Variants in TBC1D8B observed in about 807,000 individuals in gnomAD.
TBC1D8B encodes TBC1 domain family member 8B, also known as RP11-321G1.1.
TBC1D8B carries 75 observed loss-of-function variants against 82.9 expected under a neutral mutation model. The ratio of observed to expected loss-of-function variants is 0.90; its 90% CI spans 0.75 to 1.10. TBC1D8B has a LOEUF of 1.10. Ranked by LOEUF, TBC1D8B falls within the 50% of genes least tolerant of loss-of-function variation. TBC1D8B has a pLI of 0.00. For synonymous variants in TBC1D8B, 276 were observed against 276.8 expected, an observed-to-expected ratio of 1.00 and a Z score of 0.03; for missense variants, 794 against 796.9, an observed-to-expected ratio of 1.00 and a Z score of 0.04.
intron 7 of TBC1D8B, among the ~76,000 whole-genome samples, chrX:106,831,523 A>G (rs965121291): frequency 9.0e-6 from 1 of 111,622 alleles, no homozygotes; most frequent in East Asian, 2.8e-4. Context: ...ATTCTTACTT[A>G]TATCATGTTT....
Position 106,873,704 on chromosome X carries a change from T to C in TBC1D8B, c.3102T>C (p.His1034=). 3 of 1,211,709 alleles carry C rather than the reference T, an allele frequency of 2.5e-6. No homozygotes were observed. ...TGGAAGAAGTTGGAAGGAAACTACA[T>C]AGCCCTACATCATCAGCCAAAGGAT... The part of the protein sequence containing the change: ...LRMEEVGRKL[H]SPTSSAKGFS... The change falls in exon 21 of 21, where the codon CAT becomes CAC. Residue 1034 remains histidine (H), a synonymous_variant. Coordinates refer to ENST00000357242, the MANE Select transcript of TBC1D8B (RefSeq NM_017752.3).
Position 106,873,589 on chromosome X carries a change from CAA to C in TBC1D8B, c.2989_2990del (p.Lys997AspfsTer4). The C allele has an allele frequency of 8.3e-7, 1 of 1,198,221 alleles. No individual in the cohort carries two copies. The highest frequency in any genetic ancestry group is 1.1e-6 in the Non-Finnish European group (1 of 890,835). ...TTCTAGTCTCAGTTTATTCAGTTTTCAAAGACCCTCTATAACTTATTTCATGA... is the reference window on the plus strand; with the variant it reads ...TTCTAGTCTCAGTTTATTCAGTTTTCAGACCCTCTATAACTTATTTCATGA... On this transcript the variant is annotated frameshift_variant, in exon 21 of 21. Transcript: ENST00000357242. LOFTEE classifies it high-confidence loss of function.
rs1364247368 is a variant in TBC1D8B, at chrX:106,823,463, A to G, written c.824A>G (p.Lys275Arg). Residue 275 changes from lysine to arginine, a missense_variant, in exon 5 of 21, where the codon AAA becomes AGA. Coordinates refer to ENST00000357242, the MANE Select transcript of TBC1D8B (RefSeq NM_017752.3). ...CTTTATAATCCTCTACAGATCACCA[A>G]AAGGTATTCAAAGCTTAATTTTTAG... ...PVLYNPLQIT[K>R]RGLENRAHSE... 1 of 1,200,941 alleles carries G rather than the reference A, an allele frequency of 8.3e-7. No homozygotes were observed.
chrX:106,807,213 TAC>T (rs965095687), intron 1 of TBC1D8B, among the ~76,000 whole-genome samples: 4 of 93,375 alleles, frequency 4.3e-5, no homozygotes, highest in African/African-American at 1.6e-4. Context: ...CCCCCCCCCA[TAC>T]ACACACACAC....
chrX:106,862,788 T>TTTTTTTTTTTTTTTTTTG (rs1932786727), intron 14 of TBC1D8B, among the ~76,000 whole-genome samples: 1 of 95,685 alleles, frequency 1.0e-5, no homozygotes, highest in Non-Finnish European at 2.1e-5. Context: ...TTTTTTTTTT[T>TTTTTTTTTTTTTTTTTTG]TTTTTTTTTT....
chrX:106,824,359 C>T (rs1311656255), intron 5 of TBC1D8B, among the ~76,000 whole-genome samples: 1 of 110,806 alleles, frequency 9.0e-6, no homozygotes, highest in African/African-American at 3.3e-5. Context: ...ACTACATAGC[C>T]CTCATTGGGT....
At chrX:106,827,445 T>C (rs981130232) in intron 7 of TBC1D8B, 108 bp downstream of exon 7, 1 of 849,455 alleles carries the variant, frequency 1.2e-6, no homozygotes, top group African/African-American at 2.1e-5. Context: ...TGCCCAGGGG[T>C]TTTTTTTAAA....
intron 7 of TBC1D8B, among the ~76,000 whole-genome samples, chrX:106,838,453 C>G (rs1336689236): frequency 8.9e-6 from 1 of 111,802 alleles, no homozygotes; most frequent in Non-Finnish European, 1.9e-5. Context: ...GCAATTTTCA[C>G]ATCAGCTTTA....
chrX:106,850,050 T>C lies in TBC1D8B; in HGVS notation c.1863T>C (p.Phe621=), dbSNP rs776038600. 8.3e-7 allele frequency: 1 copy of C among 1,205,861 alleles called. No individual in the cohort carries two copies. The highest frequency in any genetic ancestry group is 1.1e-6 in the Non-Finnish European group (1 of 892,845). Residue 621 remains phenylalanine (F), a synonymous_variant, in exon 12 of 21, where the codon TTT becomes TTC. Coordinates refer to ENST00000357242, the MANE Select transcript of TBC1D8B (RefSeq NM_017752.3). Reference sequence around the variant, plus strand: ...GTGCCTTGGTGGATCAGGCAGTCTTTGAAGAACTTATCAGGGATCACCTTC... The same window carrying C: ...GTGCCTTGGTGGATCAGGCAGTCTTCGAAGAACTTATCAGGGATCACCTTC... ...IIGALVDQAV[F]EELIRDHLPQ...
Position 106,873,699 on chromosome X carries a change from C to G in TBC1D8B, c.3097C>G (p.Leu1033Val), listed in dbSNP as rs1398666622. 2.5e-6 allele frequency: 3 copies of G among 1,211,345 alleles called. No individual in the cohort carries two copies. The highest frequency in any genetic ancestry group is 3.5e-5 in the African/African-American group (2 of 57,653). ...LLRMEEVGRKLHSPTSSAKGF... is the reference protein window; with the variant it reads ...LLRMEEVGRKVHSPTSSAKGF... ...CAGGATGGAAGAAGTTGGAAGGAAA[C>G]TACATAGCCCTACATCATCAGCCAA... The change falls in exon 21 of 21, where the codon CTA becomes GTA. Residue 1033 changes from leucine to valine, a missense_variant. By Grantham distance (32) the Leu-to-Val change is conservative (BLOSUM62 1). Transcript: ENST00000357242.
At chrX:106,807,110 A>T (rs1602401571) in intron 1 of TBC1D8B, among the ~76,000 whole-genome samples, 1 of 111,208 alleles carries the variant, frequency 9.0e-6, no homozygotes, top group African/African-American at 3.3e-5. Context: ...ATCTGATAAA[A>T]AAATTTTGGC....
At chrX:106,849,797 A>G (rs1932549533) in intron 11 of TBC1D8B, 1 of 952,424 alleles carries the variant, frequency 1.0e-6, no homozygotes, top group African/African-American at 2.0e-5. Context: ...AGGTCTCTGC[A>G]TATAATAAAG....
At chrX:106,867,972 T>C (rs1198934062) in intron 17 of TBC1D8B, among the ~76,000 whole-genome samples, 1 of 111,505 alleles carries the variant, frequency 9.0e-6, no homozygotes, top group Non-Finnish European at 1.9e-5. Flanking sequence ...AAACATTATG[T>C]ACCTGTTAAA....
rs991516238 is a variant in TBC1D8B, at chrX:106,854,078, G to C, written c.2254-120G>C. The C allele has an allele frequency of 2.1e-5, 11 of 522,800 alleles. No homozygotes were observed. The African/African-American group carries it at 2.3e-4, about 11-fold the overall frequency. The allele number at this position is 522,800 out of a possible 1,213,427, so 43.1% of individuals were successfully genotyped here. On this transcript the variant is annotated intron_variant, in intron 13 of 20. Coordinates refer to ENST00000357242, the MANE Select transcript of TBC1D8B (RefSeq NM_017752.3). ...ATTTGCAAAATCATTGAACAAGTCA[G>C]GAAATTCCCTAGAAATAGAATCAAG...
intron 1 of TBC1D8B, among the ~76,000 whole-genome samples, chrX:106,809,884 C>CAA (rs1234195385): frequency 0.02 from 737 of 36,689 alleles, 22 homozygotes; most frequent in African/African-American, 0.061. Context: ...GACTCCGTCT[C>CAA]AAAAAAAAAA....
At chrX:106,837,099 A>T (rs887571149) in intron 7 of TBC1D8B, among the ~76,000 whole-genome samples, 2 of 112,348 alleles carry the variant, frequency 1.8e-5, no homozygotes, top group African/African-American at 6.5e-5. Context: ...CTCTCAGAGA[A>T]CACATAGGAG....
intron 14 of TBC1D8B, among the ~76,000 whole-genome samples, chrX:106,859,424 C>G (rs1261327076): frequency 9.0e-6 from 1 of 111,505 alleles, no homozygotes. Context: ...GACCTTTCAC[C>G]TCCATAGTTA....
intron 14 of TBC1D8B, among the ~76,000 whole-genome samples, chrX:106,865,133 T>C (rs1046617693): frequency 8.9e-6 from 1 of 111,910 alleles, no homozygotes; most frequent in Non-Finnish European, 1.9e-5. Context: ...GATTATGTTT[T>C]TTGGCATAGA....
At chrX:106,823,830 T>A (rs940455517) in intron 5 of TBC1D8B, among the ~76,000 whole-genome samples, 1 of 111,673 alleles carries the variant, frequency 9.0e-6, no homozygotes, top group Admixed American at 9.6e-5. Context: ...GTTAAACATA[T>A]TGTTTATTTT....
Sources: gnomAD v4.1 joint callset for allele counts (sites outside exome capture counted in the v4.1 genomes callset) on GRCh38, gnomAD v4.1.1 for gene constraint, MANE v1.5 for transcripts, NCBI Gene and HGNC (gene_info 2026-07-23, HGNC 2026-07-21) for gene names.